Variants in CSMD1 observed in about 807,000 individuals in gnomAD.
The protein encoded by CSMD1 is CUB and Sushi multiple domains 1, also known as CUB and sushi domain-containing protein 1.
In CSMD1, 213 loss-of-function variants were observed where a neutral mutation model predicts 417.5. That is an observed-to-expected ratio of 0.51 (90% CI 0.46 to 0.57). CSMD1 has a LOEUF of 0.57. Ranked by LOEUF, CSMD1 falls within the 20% of genes least tolerant of loss-of-function variation. CSMD1 has a pLI of 0.00. For missense variants in CSMD1, 6,923 were observed against 4,529.7 expected, an observed-to-expected ratio of 1.53 and a Z score of -15.17; for synonymous variants, 2,862 against 1,736.8, an observed-to-expected ratio of 1.65 and a Z score of -16.11.
chr8:4,366,756 G>A (rs115358264), intron 3 of CSMD1, among the ~76,000 whole-genome samples: 14 of 152,016 alleles, frequency 9.2e-5, no homozygotes, highest in Admixed American at 4.6e-4. Flanking sequence ...TGTGAACAAC[G>A]TGCACGTTAG....
intron 1 of CSMD1, among the ~76,000 whole-genome samples, chr8:4,817,485 G>C (rs563445873): frequency 6.6e-5 from 10 of 152,210 alleles, no homozygotes; most frequent in African/African-American, 2.4e-4. Flanking sequence ...CAAAGGGCAC[G>C]TCCAATGATC....
intron 1 of CSMD1, among the ~76,000 whole-genome samples, chr8:4,758,588 G>A (rs932087543): frequency 6.6e-6 from 1 of 152,150 alleles, no homozygotes; most frequent in Non-Finnish European, 1.5e-5. Context: ...CCAAGACTTG[G>A]CAATTTATAA....
At chr8:4,720,832 G>T (rs1809003913) in intron 1 of CSMD1, among the ~76,000 whole-genome samples, 1 of 152,136 alleles carries the variant, frequency 6.6e-6, no homozygotes, top group Non-Finnish European at 1.5e-5. Flanking sequence ...AAGGAACACA[G>T]AAGGAAAGTC....
rs577392098 is a variant in CSMD1 at position 4,359,062 on chromosome 8, G to A, written c.415+60891C>T. 1.2e-4 allele frequency among the ~76,000 whole-genome samples: 18 copies of A among 152,142 alleles called. No homozygotes were observed. In the South Asian group the frequency reaches 2.3e-3, roughly 19 times the overall value. On this transcript the variant is annotated intron_variant, in intron 3 of 69. Transcript: ENST00000635120. The stretch of plus-strand genomic sequence containing the variant: ...GGCAAAATCAATATACATGTGATAC[G>A]AATGAAGTATTCCAGTTACACATAG...
chr8:4,778,096 G>T (rs999233637), intron 1 of CSMD1, among the ~76,000 whole-genome samples: 3 of 151,810 alleles, frequency 2.0e-5, no homozygotes, highest in African/African-American at 4.8e-5. Flanking sequence ...TTTAAAATTA[G>T]GATCAGTATA....
intron 3 of CSMD1, among the ~76,000 whole-genome samples, chr8:4,419,233 T>C (rs1797115746): frequency 6.6e-6 from 1 of 152,198 alleles, no homozygotes; most frequent in Non-Finnish European, 1.5e-5. Flanking sequence ...CAGTAGCTCT[T>C]GTATTACGTG....
chr8:4,792,206 G>C (rs187963487), intron 1 of CSMD1, among the ~76,000 whole-genome samples: 1 of 151,952 alleles, frequency 6.6e-6, no homozygotes. Context: ...CAATTAGCCA[G>C]ACACAAAAGT....
chr8:3,804,489 T>C (rs1185765562), intron 5 of CSMD1, among the ~76,000 whole-genome samples: 1 of 152,198 alleles, frequency 6.6e-6, no homozygotes, highest in Non-Finnish European at 1.5e-5. Context: ...ATGGATTTGA[T>C]CACTTTATTA....
intron 5 of CSMD1, among the ~76,000 whole-genome samples, chr8:3,859,710 G>A (rs1001181500): frequency 1.3e-5 from 2 of 152,108 alleles, no homozygotes; most frequent in Admixed American, 6.6e-5. Context: ...TGAAGCCTCA[G>A]TAATAACTCT....
In CSMD1 at chr8:4,578,558, T is replaced by G. The variant is rs75196468; in HGVS notation, c.302+58784A>C. On this transcript the variant is annotated intron_variant, in intron 2 of 69. Transcript: ENST00000635120. Reference sequence around the variant, plus strand: ...TTGGCTGGGTGCAATGCTTCATGCCTGTAATCTCGGCATTTTGGGAGGCCA... The same window carrying G: ...TTGGCTGGGTGCAATGCTTCATGCCGGTAATCTCGGCATTTTGGGAGGCCA... Among the ~76,000 whole-genome samples, 975 of 151,704 alleles carry G rather than the reference T, an allele frequency of 6.4e-3. 13 individuals are homozygous for G. Among genetic ancestry groups the G allele is most frequent in the African/African-American group, 0.021 (874 of 41,294 alleles).
At chr8:4,960,898 T>C (rs553329582) in intron 1 of CSMD1, among the ~76,000 whole-genome samples, 5 of 152,168 alleles carry the variant, frequency 3.3e-5, no homozygotes, top group Admixed American at 6.5e-5. Context: ...ACTCCTGAAA[T>C]ACAACTATTT....
chr8:3,389,199 G>A (rs5023363), intron 17 of CSMD1, among the ~76,000 whole-genome samples: 29,510 of 151,942 alleles, frequency 0.19, 2,950 homozygotes, highest in African/African-American at 0.25. Context: ...TTGTTGTACA[G>A]ATTATTTCCT....
intron 3 of CSMD1, among the ~76,000 whole-genome samples, chr8:4,239,878 T>C (rs1802286975): frequency 6.6e-6 from 1 of 152,222 alleles, no homozygotes. Flanking sequence ...AGTATCCTTA[T>C]CCTTTGCAGC....
At position 4,516,187 on chromosome 8, in the gene CSMD1, G is replaced by C. The variant is rs1229974287; in HGVS notation, c.303-96122C>G. On this transcript the variant is annotated intron_variant, in intron 2 of 69. Transcript: ENST00000635120. ...ATATGACTGGTGCCTCCTAATAAGA[G>C]AAGATAAGAACCCAGACACACACAG... Among the ~76,000 whole-genome samples, 3 of 152,096 alleles carry C rather than the reference G, an allele frequency of 2.0e-5. No homozygotes were observed. The East Asian group carries it at 5.8e-4, about 29-fold the overall frequency.
Position 3,289,760 on chromosome 8 carries a change from C to T in CSMD1, c.3951-5414G>A, listed in dbSNP as rs533391850. 3.4e-5 allele frequency among the ~76,000 whole-genome samples: 5 copies of T among 147,196 alleles called. 2 individuals are homozygous for T. The highest frequency in any genetic ancestry group is 1.3e-4 in the African/African-American group (5 of 37,062). ...CAGATGAGGAGGTTGCAATAATTTT[C>T]TCCCATTCTGTAGGTTGCCTGTTCA... On this transcript the variant is annotated intron_variant, in intron 25 of 69. Coordinates refer to ENST00000635120, the MANE Select transcript of CSMD1 (RefSeq NM_033225.6).
At chr8:3,160,220 T>C (rs1260864448) in intron 38 of CSMD1, among the ~76,000 whole-genome samples, 2 of 152,246 alleles carry the variant, frequency 1.3e-5, no homozygotes, top group East Asian at 3.9e-4. Context: ...GCCTCCTGTT[T>C]CAAGCGATCC....
chr8:3,496,274 T>A (rs1328046621), intron 10 of CSMD1, among the ~76,000 whole-genome samples: 1 of 152,206 alleles, frequency 6.6e-6, no homozygotes, highest in East Asian at 1.9e-4. Flanking sequence ...AAATCCTGCC[T>A]ATCCCCTTCA....
At chr8:3,022,219 T>C (rs573240496) in intron 51 of CSMD1, among the ~76,000 whole-genome samples, 43 of 144,996 alleles carry the variant, frequency 3.0e-4, no homozygotes, top group African/African-American at 1.0e-3. Flanking sequence ...CCCCACAGCA[T>C]CCGGAATACA....
Position 4,929,427 on chromosome 8 carries a change from C to A in CSMD1, c.85+64905G>T, listed in dbSNP as rs4074884. On this transcript the variant is annotated intron_variant, in intron 1 of 69. Transcript: ENST00000635120. ...ACAGATATTCAAGAAATAGGCATTT[C>A]TATTAGAAGTTTAATTCACAAAGAT... Among the ~76,000 whole-genome samples, 5 of 152,076 alleles carry A rather than the reference C, an allele frequency of 3.3e-5. No homozygotes were observed. In the East Asian group the frequency reaches 7.7e-4, roughly 23 times the overall value.
Sources: gnomAD v4.1 joint callset for allele counts (sites outside exome capture counted in the v4.1 genomes callset) on GRCh38, gnomAD v4.1.1 for gene constraint, MANE v1.5 for transcripts, NCBI Gene and HGNC (gene_info 2026-07-23, HGNC 2026-07-21) for gene names.